The following TAFA2 variants were observed in gnomAD, a reference collection of about 807,000 sequenced individuals.
TAFA2 encodes TAFA chemokine like family member 2.
A neutral mutation model predicts 18.8 loss-of-function variants in TAFA2; 7 were observed. The ratio of observed to expected loss-of-function variants is 0.37; its 90% CI spans 0.21 to 0.70. The LOEUF is 0.70. TAFA2 is among the 30% of genes least tolerant of loss of function. The probability of loss-of-function intolerance (pLI) is 0.53; values close to 1 mark genes in which losing one functional copy is unlikely to be tolerated. For synonymous variants in TAFA2, 60 were observed against 54.2 expected (o/e 1.11, Z -0.47); for missense variants, 122 against 158.1 (o/e 0.77, Z 1.23).
At chr12:62,217,224 T>A (rs1209115761) in intron 1 of TAFA2, among the ~76,000 whole-genome samples, 1 of 151,736 alleles carries the variant, frequency 6.6e-6, no homozygotes, top group Admixed American at 6.6e-5. Context: ...GTACAGGGAG[T>A]ACTTGGGCCA....
intron 2 of TAFA2, among the ~76,000 whole-genome samples, chr12:61,784,407 A>C (rs1870638989): frequency 6.6e-6 from 1 of 151,530 alleles, no homozygotes; most frequent in Non-Finnish European, 1.5e-5. Context: ...GGCATAATCC[A>C]TCTCTCGTCC....
chr12:62,087,409 C>G (rs9738798), intron 1 of TAFA2, among the ~76,000 whole-genome samples: 1 of 151,858 alleles, frequency 6.6e-6, no homozygotes, highest in Non-Finnish European at 1.5e-5. Context: ...GGAAGAAGCC[C>G]GAAAACTACA....
At chr12:61,733,863 C>T (rs1333274940) in intron 4 of TAFA2, among the ~76,000 whole-genome samples, 1 of 150,702 alleles carries the variant, frequency 6.6e-6, no homozygotes, top group African/African-American at 2.4e-5. Flanking sequence ...TTACCTTGGG[C>T]AGTATGGCCA....
At chr12:62,138,432 T>C (rs2136904086) in intron 1 of TAFA2, among the ~76,000 whole-genome samples, 1 of 152,348 alleles carries the variant, frequency 6.6e-6, no homozygotes, top group South Asian at 2.1e-4. Flanking sequence ...TCTTGCCTCC[T>C]GTAGAATATA....
At chr12:62,114,856 G>C (rs1869892014) in intron 1 of TAFA2, among the ~76,000 whole-genome samples, 1 of 151,972 alleles carries the variant, frequency 6.6e-6, no homozygotes, top group Non-Finnish European at 1.5e-5. Flanking sequence ...GCTTTTCTTG[G>C]TATAATTCAT....
At chr12:62,241,130 G>A (rs779818712) in intron 1 of TAFA2, among the ~76,000 whole-genome samples, 5 of 152,076 alleles carry the variant, frequency 3.3e-5, no homozygotes, top group Non-Finnish European at 4.4e-5. Flanking sequence ...GTACCAACCA[G>A]CACCAAACAC....
At position 61,710,287 on chromosome 12, in the gene TAFA2, C is replaced by T; in HGVS notation, c.*119G>A. 1.1e-6 allele frequency: 1 copy of T among 878,926 alleles called. No individual in the cohort carries two copies. The highest frequency in any genetic ancestry group is 2.5e-5 in the East Asian group (1 of 40,540). The allele number at this position is 878,926 out of a possible 1,614,324, so 54.4% of individuals were successfully genotyped here. On this transcript the variant is annotated 3_prime_UTR_variant, in exon 5 of 5. Coordinates refer to ENST00000416284, the MANE Select transcript of TAFA2 (RefSeq NM_178539.5). Reference sequence around the variant, plus strand: ...GGCCATGAAATCCCTTGGAAATAGACTATTGAGCGCCTCTTTCAAGTGGTA... The same window carrying T: ...GGCCATGAAATCCCTTGGAAATAGATTATTGAGCGCCTCTTTCAAGTGGTA...
intron 1 of TAFA2, among the ~76,000 whole-genome samples, chr12:62,054,676 G>A (rs1483301112): frequency 2.6e-5 from 4 of 152,164 alleles, no homozygotes; most frequent in Non-Finnish European, 1.5e-5. Flanking sequence ...TACTTGAAAT[G>A]TTAAAGCTGC....
intron 1 of TAFA2, among the ~76,000 whole-genome samples, chr12:62,213,355 T>C (rs2062721660): frequency 1.3e-5 from 2 of 152,154 alleles, no homozygotes; most frequent in African/African-American, 4.8e-5. Flanking sequence ...ATTAAAAGTA[T>C]AAGTTGCAGC....
intron 2 of TAFA2, among the ~76,000 whole-genome samples, chr12:61,763,515 G>A (rs535992156): frequency 6.6e-6 from 1 of 152,012 alleles, no homozygotes; most frequent in South Asian, 2.1e-4. Context: ...GTTAAGAAAG[G>A]TGTATCTAAA....
At chr12:62,230,142 T>G (rs1441659234) in intron 1 of TAFA2, among the ~76,000 whole-genome samples, 1 of 145,364 alleles carries the variant, frequency 6.9e-6, no homozygotes, top group Non-Finnish European at 1.5e-5. Context: ...TAAGGTTATG[T>G]TGGTTTTGTT....
intron 1 of TAFA2, among the ~76,000 whole-genome samples, chr12:61,877,731 T>TCACTACAG (rs1021987989): frequency 2.0e-5 from 3 of 152,050 alleles, no homozygotes; most frequent in Non-Finnish European, 4.4e-5. Context: ...GTACCAGATA[T>TCACTACAG]CACTACAGTT....
rs957370499 is a variant in TAFA2 at position 62,115,656 on chromosome 12, C to T, written c.-2+75603G>A. Reference sequence around the variant, plus strand: ...CCCTCACACCCACTCTCACCTCCCACAGTCCTGCTTCCCACGGTTGTGTCT... The same window carrying T: ...CCCTCACACCCACTCTCACCTCCCATAGTCCTGCTTCCCACGGTTGTGTCT... On this transcript the variant is annotated intron_variant, in intron 1 of 4. Transcript: ENST00000416284. Among the ~76,000 whole-genome samples the T allele has an allele frequency of 3.9e-5, 6 of 152,342 alleles. No individual in the cohort carries two copies. In the East Asian group the frequency reaches 7.7e-4, roughly 20 times the overall value.
intron 2 of TAFA2, among the ~76,000 whole-genome samples, chr12:61,778,515 C>T (rs1344491034): frequency 6.6e-6 from 1 of 151,746 alleles, no homozygotes; most frequent in Non-Finnish European, 1.5e-5. Flanking sequence ...ATTCCCTCTC[C>T]CTCTCATGCA....
intron 4 of TAFA2, among the ~76,000 whole-genome samples, chr12:61,751,531 G>C (rs1290769647): frequency 6.6e-6 from 1 of 151,748 alleles, no homozygotes; most frequent in African/African-American, 2.4e-5. Flanking sequence ...AGAAATAGAG[G>C]GTATCTTAAA....
intron 1 of TAFA2, among the ~76,000 whole-genome samples, chr12:62,238,646 A>C (rs1402695332): frequency 6.6e-6 from 1 of 152,228 alleles, no homozygotes; most frequent in Non-Finnish European, 1.5e-5. Context: ...TTCAATTTAT[A>C]AATCTGACCA....
At chr12:62,211,069 A>G (rs1312135557) in intron 1 of TAFA2, among the ~76,000 whole-genome samples, 2 of 152,256 alleles carry the variant, frequency 1.3e-5, no homozygotes, top group Non-Finnish European at 2.9e-5. Context: ...AGAGATCTTT[A>G]GGACTAGTGT....
chr12:61,834,733 A>G (rs911187883), intron 2 of TAFA2, among the ~76,000 whole-genome samples: 2 of 152,052 alleles, frequency 1.3e-5, no homozygotes, highest in African/African-American at 2.4e-5. Flanking sequence ...TGTAAGACAT[A>G]TCTAGCTAGA....
chr12:61,913,139 A>G (rs906202224), intron 1 of TAFA2, among the ~76,000 whole-genome samples: 1 of 152,194 alleles, frequency 6.6e-6, no homozygotes, highest in African/African-American at 2.4e-5. Context: ...TTTTGAGGCT[A>G]TAGGTTTTCA....
Sources: allele counts gnomAD v4.1 joint callset (sites outside exome capture counted in the v4.1 genomes callset), GRCh38; gene constraint gnomAD v4.1.1; transcripts MANE v1.5; gene names NCBI Gene and HGNC (gene_info 2026-07-23, HGNC 2026-07-21).